Variants in NUGGC observed in about 807,000 individuals in gnomAD.
The protein encoded by NUGGC is nuclear GTPase, germinal center associated.
In NUGGC, 58 loss-of-function variants were observed where a neutral mutation model predicts 92.6. The ratio of observed to expected loss-of-function variants is 0.63; its 90% CI spans 0.51 to 0.78. NUGGC has a LOEUF of 0.78. NUGGC is among the 30% of genes least tolerant of loss of function. NUGGC has a pLI of 0.00. For missense variants in NUGGC, 925 were observed against 964.6 expected, an observed-to-expected ratio of 0.96 and a Z score of 0.54; for synonymous variants, 376 against 366.4, an observed-to-expected ratio of 1.03 and a Z score of -0.30.
intron 13 of NUGGC, among the ~76,000 whole-genome samples, chr8:28,037,092 C>T (rs905611945): frequency 3.9e-5 from 6 of 152,138 alleles, no homozygotes; most frequent in African/African-American, 7.2e-5. Context: ...AAACTGTCTA[C>T]GATTCCTCGT....
chr8:28,069,913 T>A (rs1179679377), intron 3 of NUGGC, among the ~76,000 whole-genome samples: 1 of 152,244 alleles, frequency 6.6e-6, no homozygotes, highest in Non-Finnish European at 1.5e-5. Context: ...GCCACGGGCT[T>A]CAGCCCCTTC....
In NUGGC at chr8:28,081,173, C is replaced by A. The variant is rs542883773; in HGVS notation, c.-47+2602G>T. On this transcript the variant is annotated intron_variant, in intron 1 of 18. Coordinates refer to ENST00000413272, the MANE Select transcript of NUGGC (RefSeq NM_001010906.2). ...GTCTCTACTAAAAATACAAAAATTA[C>A]CTGGGCATGGTGCAGCATGCCTGTA... Among the ~76,000 whole-genome samples the A allele has an allele frequency of 3.4e-3, 523 of 151,786 alleles. 3 individuals carry two copies. Among genetic ancestry groups the A allele is most frequent in the Non-Finnish European group, 5.8e-3 (393 of 67,912 alleles).
chr8:28,026,140 C>A (rs1230036275), intron 18 of NUGGC, among the ~76,000 whole-genome samples: 1 of 152,144 alleles, frequency 6.6e-6, no homozygotes, highest in Non-Finnish European at 1.5e-5. Context: ...TTACACAGTC[C>A]TCCACTCCTT....
At chr8:28,026,762 TTCATCATCA>T (rs35745694) in intron 18 of NUGGC, among the ~76,000 whole-genome samples, 191 bp downstream of exon 18, 6 of 150,760 alleles carry the variant, frequency 4.0e-5, no homozygotes, top group East Asian at 1.9e-4. Flanking sequence ...GGCTGTTGTT[TTCATCATCA>T]TCATCATCAT....
chr8:28,069,518 T>G, intron 4 of NUGGC, 26 bp downstream of exon 4: 2 of 1,158,276 alleles, frequency 1.7e-6, no homozygotes, highest in Non-Finnish European at 1.3e-6. Flanking sequence ...GACATAAAAT[T>G]TCAGGGTTGC....
chr8:28,079,018 G>T (rs576807110), intron 1 of NUGGC, among the ~76,000 whole-genome samples: 2 of 152,298 alleles, frequency 1.3e-5, no homozygotes, highest in East Asian at 3.9e-4. Context: ...CTGAACCTAA[G>T]AATAGCATCT....
At chr8:28,049,692 CT>C (rs1809938361) in intron 10 of NUGGC, among the ~76,000 whole-genome samples, 1 of 152,170 alleles carries the variant, frequency 6.6e-6, no homozygotes, top group Admixed American at 6.5e-5. Context: ...ACACACTGTT[CT>C]AATTTAAACA....
intron 4 of NUGGC, 56 bp from the exon 5 acceptor site, chr8:28,068,494 CATTG>C: frequency 8.1e-7 from 1 of 1,231,558 alleles, no homozygotes; most frequent in Non-Finnish European, 1.2e-6. Context: ...GAGTGAAGAG[CATTG>C]AAACAGAATG....
At chr8:28,072,252 G>C (rs979502241) in intron 2 of NUGGC, among the ~76,000 whole-genome samples, 1 of 152,182 alleles carries the variant, frequency 6.6e-6, no homozygotes, top group African/African-American at 2.4e-5. Context: ...ATTCGCCCTG[G>C]CTCGGTTTGA....
intron 6 of NUGGC, among the ~76,000 whole-genome samples, chr8:28,065,152 CTTTTTTT>C (rs5890398): frequency 1.3e-5 from 1 of 79,884 alleles, no homozygotes; most frequent in East Asian, 3.3e-4. Flanking sequence ...GAAATTGGAT[CTTTTTTT>C]TTTTTTTTTT....
At chr8:28,066,828 G>A (rs1810450347) in intron 6 of NUGGC, among the ~76,000 whole-genome samples, 1 of 152,174 alleles carries the variant, frequency 6.6e-6, no homozygotes, top group African/African-American at 2.4e-5. Context: ...GTCTGACTGG[G>A]GAGGCAGTGG....
chr8:28,029,092 AGAG>A (rs1809344448), intron 17 of NUGGC, among the ~76,000 whole-genome samples, 171 bp downstream of exon 17: 2 of 152,194 alleles, frequency 1.3e-5, no homozygotes, highest in South Asian at 4.1e-4. Context: ...GACTCAGGAA[AGAG>A]GAGAGGCACA....
At chr8:28,043,922 T>A (rs993056383) in intron 12 of NUGGC, among the ~76,000 whole-genome samples, 1 of 152,250 alleles carries the variant, frequency 6.6e-6, no homozygotes, top group African/African-American at 2.4e-5. Flanking sequence ...CCAAGAGTTT[T>A]GTTTTGTTTT....
chr8:28,062,466 A>G (rs1366396809), intron 7 of NUGGC, among the ~76,000 whole-genome samples: 1 of 151,844 alleles, frequency 6.6e-6, no homozygotes, highest in Admixed American at 6.6e-5. Flanking sequence ...AAAAAAAAAA[A>G]ATTAGCCAAG....
At chr8:28,028,858 C>G (rs1034254721) in intron 17 of NUGGC, among the ~76,000 whole-genome samples, 1 of 152,136 alleles carries the variant, frequency 6.6e-6, no homozygotes, top group Non-Finnish European at 1.5e-5. Context: ...GTTTTGAGAT[C>G]GTGCTATTGT....
At chr8:28,065,152 CTTTTT>C (rs5890398) in intron 6 of NUGGC, among the ~76,000 whole-genome samples, 1 of 79,884 alleles carries the variant, frequency 1.3e-5, no homozygotes. Context: ...GAAATTGGAT[CTTTTT>C]TTTTTTTTTT....
intron 1 of NUGGC, among the ~76,000 whole-genome samples, chr8:28,080,536 A>G (rs1049754001): frequency 6.6e-6 from 1 of 152,132 alleles, no homozygotes; most frequent in Admixed American, 6.6e-5. Context: ...GGTCATTAAC[A>G]TTGGTTTACT....
chr8:28,027,841 G>A lies in NUGGC; in HGVS notation c.2155-789C>T, dbSNP rs372318697. Among the ~76,000 whole-genome samples the A allele has an allele frequency of 2.9e-4, 44 of 152,234 alleles. No homozygotes were observed. The East Asian group carries it at 3.7e-3, about 13-fold the overall frequency. On this transcript the variant is annotated intron_variant, in intron 17 of 18. Coordinates refer to ENST00000413272, the MANE Select transcript of NUGGC (RefSeq NM_001010906.2). The stretch of plus-strand genomic sequence containing the variant: ...AAACCACAAGAAGGAGTCACCTCAC[G>A]CTAGAGTGAAAACGAAGCAGCAAGC...
At chr8:28,079,495 A>T (rs1810797075) in intron 1 of NUGGC, among the ~76,000 whole-genome samples, 1 of 152,160 alleles carries the variant, frequency 6.6e-6, no homozygotes, top group East Asian at 1.9e-4. Flanking sequence ...AGCCGAGATC[A>T]CGCCACTGCC....
Sources: allele counts gnomAD v4.1 joint callset (sites outside exome capture counted in the v4.1 genomes callset), GRCh38; gene constraint gnomAD v4.1.1; transcripts MANE v1.5; gene names NCBI Gene and HGNC (gene_info 2026-07-23, HGNC 2026-07-21).